Variants in RBBP8 observed in about 807,000 individuals in gnomAD.
The protein encoded by RBBP8 is RB binding protein 8, endonuclease, also known as DNA endonuclease RBBP8.
In RBBP8, 88 loss-of-function variants were observed where a neutral mutation model predicts 108.3. That is an observed-to-expected ratio of 0.81 (90% CI 0.68 to 0.97). RBBP8 has a LOEUF of 0.97. RBBP8 is among the 50% of genes least tolerant of loss of function. RBBP8 has a pLI of 0.00. For synonymous variants in RBBP8, 332 were observed against 348.2 expected, an observed-to-expected ratio of 0.95 and a Z score of 0.52; for missense variants, 1,023 against 1,049.0, an observed-to-expected ratio of 0.98 and a Z score of 0.34.
intron 8 of RBBP8, among the ~76,000 whole-genome samples, chr18:22,985,314 G>A (rs574890490): frequency 6.1e-4 from 93 of 152,158 alleles, no homozygotes; most frequent in South Asian, 6.2e-4. Context: ...TGGAGCTTAT[G>A]ATCTAGTTGA....
At chr18:22,969,287 C>T (rs112115982) in intron 5 of RBBP8, among the ~76,000 whole-genome samples, 2,910 of 151,868 alleles carry the variant, frequency 0.019, 91 homozygotes, top group African/African-American at 0.064. Context: ...TTGTTCTACA[C>T]TTGTTTTCTC....
chr18:22,965,624 C>A (rs748511420), intron 4 of RBBP8, among the ~76,000 whole-genome samples: 1 of 152,222 alleles, frequency 6.6e-6, no homozygotes, highest in Non-Finnish European at 1.5e-5. Flanking sequence ...CCAGACCAGA[C>A]ACTCTCTGTT....
chr18:22,942,249 T>A (rs1418683804), intron 2 of RBBP8, among the ~76,000 whole-genome samples: 2 of 152,050 alleles, frequency 1.3e-5, no homozygotes, highest in Non-Finnish European at 1.5e-5. Flanking sequence ...ATGGTAATAT[T>A]TGAGATATAT....
chr18:23,009,324 A>G (rs1258981276), intron 16 of RBBP8, among the ~76,000 whole-genome samples: 1 of 151,892 alleles, frequency 6.6e-6, no homozygotes. Flanking sequence ...AACTTTTTGT[A>G]TGCTCTTTTG....
At chr18:22,964,502 T>C (rs974616803) in intron 4 of RBBP8, among the ~76,000 whole-genome samples, 30 of 151,608 alleles carry the variant, frequency 2.0e-4, no homozygotes, top group African/African-American at 6.0e-4. Flanking sequence ...CTATTCTTTA[T>C]ATGATAGACC....
chr18:23,022,534 A>G (rs1408060713), intron 18 of RBBP8, among the ~76,000 whole-genome samples: 3 of 151,304 alleles, frequency 2.0e-5, no homozygotes, highest in South Asian at 2.1e-4. Context: ...CCCAAGAGAC[A>G]GAGGTTGCAG....
At position 23,007,167 on chromosome 18, in the gene RBBP8, C is replaced by T. The variant is rs1051474706; in HGVS notation, c.2357+735C>T. Among the ~76,000 whole-genome samples the T allele has an allele frequency of 1.7e-4, 25 of 151,252 alleles. 1 individual carries two copies. Among genetic ancestry groups the T allele is most frequent in the African/African-American group, 5.8e-4 (24 of 41,154 alleles). ...TCCCGAGTAGCTGGGATTACAGGTG[C>T]CCACCACCAGGCCTGGATAATTTGT... On this transcript the variant is annotated intron_variant, in intron 16 of 18. Coordinates refer to ENST00000327155, the MANE Select transcript of RBBP8 (RefSeq NM_002894.3).
chr18:22,939,376 C>T (rs1052608945), intron 2 of RBBP8, among the ~76,000 whole-genome samples: 1 of 151,954 alleles, frequency 6.6e-6, no homozygotes, highest in Non-Finnish European at 1.5e-5. Flanking sequence ...TGTGGTGGTG[C>T]GCACCTGTAA....
intron 16 of RBBP8, among the ~76,000 whole-genome samples, chr18:23,011,529 C>T (rs1405962869): frequency 1.3e-5 from 2 of 151,600 alleles, no homozygotes; most frequent in East Asian, 3.9e-4. Context: ...CTCTGCCTCC[C>T]GGGTTCATGC....
chr18:22,925,330 T>A (rs1455851036), intron 3 of RBBP8, among the ~76,000 whole-genome samples: 1 of 152,130 alleles, frequency 6.6e-6, no homozygotes, highest in Non-Finnish European at 1.5e-5. Flanking sequence ...AAACTCAGGA[T>A]CTCCTTTAAG....
upstream of RBBP8, among the ~76,000 whole-genome samples, chr18:22,931,003 C>T (rs1055402653): frequency 6.6e-6 from 1 of 152,168 alleles, no homozygotes; most frequent in Non-Finnish European, 1.5e-5. Flanking sequence ...TCTTGAACTC[C>T]TGGCCTCAAG....
At chr18:23,006,285 G>T (rs563354126) in intron 15 of RBBP8, 78 bp from the exon 16 acceptor site, 2 of 1,301,962 alleles carry the variant, frequency 1.5e-6, no homozygotes, top group African/African-American at 1.5e-5. Context: ...TTGAGTGCGT[G>T]TCATTTTCTT....
At chr18:22,923,688 T>C (rs9949696) in intron 3 of RBBP8, among the ~76,000 whole-genome samples, 103,044 of 151,968 alleles carry the variant, frequency 0.68, 35,832 homozygotes, top group Middle Eastern at 0.84. Flanking sequence ...GGGAATATGG[T>C]TATATGCCAG....
At chr18:22,939,743 G>T (rs949545007) in intron 2 of RBBP8, among the ~76,000 whole-genome samples, 1 of 152,146 alleles carries the variant, frequency 6.6e-6, no homozygotes, top group Admixed American at 6.5e-5. Flanking sequence ...TATAGTGCTA[G>T]CTTTAAGGGA....
intron 7 of RBBP8, among the ~76,000 whole-genome samples, chr18:22,984,553 TA>T (rs2144665748): frequency 6.6e-6 from 1 of 152,230 alleles, no homozygotes; most frequent in South Asian, 2.1e-4. Flanking sequence ...CCCAGCCCAG[TA>T]TACCTTTTTA....
chr18:22,937,131 C>T (rs1227272572), intron 2 of RBBP8, 171 bp downstream of exon 2: 26 of 1,347,356 alleles, frequency 1.9e-5, no homozygotes, highest in Admixed American at 2.3e-5. Context: ...GTTTGGTGTG[C>T]AAATGATTTC....
chr18:23,003,124 C>A (rs1013873799), intron 15 of RBBP8, among the ~76,000 whole-genome samples: 2 of 152,174 alleles, frequency 1.3e-5, no homozygotes, highest in Admixed American at 6.5e-5. Context: ...AAGACTCTTT[C>A]TTCCTCACAA....
chr18:22,972,504 C>T (rs1914184865), intron 5 of RBBP8, among the ~76,000 whole-genome samples: 1 of 150,072 alleles, frequency 6.7e-6, no homozygotes, highest in South Asian at 2.1e-4. Flanking sequence ...ACCTCTGTCT[C>T]CTGGGTTCAA....
At position 22,997,628 on chromosome 18, in the gene RBBP8, T is replaced by G; in HGVS notation, c.2037T>G (p.Ser679Arg). The G allele has an allele frequency of 1.3e-6, 2 of 1,592,556 alleles. No homozygotes were observed. Among genetic ancestry groups the G allele is most frequent in the Non-Finnish European group, 1.7e-6 (2 of 1,164,002 alleles). Residue 679 changes from serine (S) to arginine (R), a missense_variant, in exon 14 of 19, where the codon AGT (serine) becomes AGG (arginine). Coordinates refer to ENST00000327155, the MANE Select transcript of RBBP8 (RefSeq NM_002894.3). Reference sequence around the variant, plus strand: ...TTAAAATATTTATTTAGGATGGCAGTCAGTCAAAATTAGGAGGAGAGACAG... The same window carrying G: ...TTAAAATATTTATTTAGGATGGCAGGCAGTCAAAATTAGGAGGAGAGACAG... ...DVTVIDTKDGSQSKLGGETVD... is the reference protein window; with the variant it reads ...DVTVIDTKDGRQSKLGGETVD...
Sources: allele counts gnomAD v4.1 joint callset (sites outside exome capture counted in the v4.1 genomes callset), GRCh38; gene constraint gnomAD v4.1.1; transcripts MANE v1.5; gene names NCBI Gene and HGNC (gene_info 2026-07-23, HGNC 2026-07-21).